The following HIP1 variants were observed in gnomAD, a reference collection of about 807,000 sequenced individuals.
HIP1 encodes the protein huntingtin-interacting protein 1.
HIP1 carries 65 observed loss-of-function variants against 147.6 expected under a neutral mutation model. The observed-to-expected ratio is 0.44, with a 90% CI of 0.36 to 0.54. HIP1 has a LOEUF of 0.54. Ranked by LOEUF, HIP1 falls within the 20% of genes least tolerant of loss-of-function variation. The pLI is 0.00. For synonymous variants in HIP1, 479 were observed against 504.0 expected, an observed-to-expected ratio of 0.95 and a Z score of 0.67; for missense variants, 1,061 against 1,299.6, an observed-to-expected ratio of 0.82 and a Z score of 2.82.
chr7:75,589,150 TA>T (rs112794656), intron 4 of HIP1, among the ~76,000 whole-genome samples: 2,588 of 129,558 alleles, frequency 0.02, 56 homozygotes, highest in African/African-American at 0.057. Context: ...AACTCTGTCT[TA>T]AAAAAAAAAA....
chr7:75,616,498 C>T (rs1554506050), intron 1 of HIP1, among the ~76,000 whole-genome samples: 1 of 151,996 alleles, frequency 6.6e-6, no homozygotes, highest in African/African-American at 2.4e-5. Context: ...GTCTTGAGCT[C>T]CTGGCTTCTA....
At chr7:75,639,237 G>GA in intron 1 of HIP1, 1 of 962,822 alleles carries the variant, frequency 1.0e-6, no homozygotes, top group Non-Finnish European at 1.2e-6. Context: ...CTGGACCGGA[G>GA]AAAGGAAGGG....
intron 4 of HIP1, among the ~76,000 whole-genome samples, chr7:75,591,223 G>A (rs1249315438): frequency 3.9e-5 from 6 of 152,114 alleles, no homozygotes; most frequent in African/African-American, 9.6e-5. Flanking sequence ...AATAGAGCCC[G>A]GGTTTCACCA....
chr7:75,681,864 G>A (rs950655698), intron 1 of HIP1, among the ~76,000 whole-genome samples: 7 of 151,654 alleles, frequency 4.6e-5, no homozygotes, highest in Non-Finnish European at 1.0e-4. Flanking sequence ...CTGTTCACCC[G>A]CCAGACACAT....
chr7:75,652,689 A>G (rs1319333749), intron 1 of HIP1, among the ~76,000 whole-genome samples: 1 of 148,318 alleles, frequency 6.7e-6, no homozygotes, highest in Non-Finnish European at 1.5e-5. Flanking sequence ...ACTGTTAGTG[A>G]AAAAAAAAAA....
At chr7:75,700,709 C>CT (rs879958028) in intron 1 of HIP1, among the ~76,000 whole-genome samples, 189 of 144,610 alleles carry the variant, frequency 1.3e-3, no homozygotes, top group East Asian at 2.6e-3. Flanking sequence ...CAGGTGAACA[C>CT]TTTTTTTTTT....
chr7:75,566,731 C>CA (rs1488291441), intron 9 of HIP1, among the ~76,000 whole-genome samples: 1 of 151,356 alleles, frequency 6.6e-6, no homozygotes, highest in Non-Finnish European at 1.5e-5. Flanking sequence ...GGGTATCAAC[C>CA]AAACCTGCTA....
chr7:75,555,418 G>A lies in HIP1; in HGVS notation c.1961C>T (p.Ala654Val). Residue 654 changes from alanine (A) to valine (V), a missense_variant and splice_region_variant, in exon 19 of 31, where the codon GCA (alanine) becomes GTA (valine). Physicochemically the swap from Ala to Val is moderately conservative, Grantham distance 64 (BLOSUM62 0). Coordinates refer to ENST00000336926, the MANE Select transcript of HIP1 (RefSeq NM_005338.7). Reference sequence around the variant, plus strand: ...CAGCTGGGCAATTGCAAGTGTACCTGCAGACCCAGCGCAGCTGATGAGAGG... The same window carrying A: ...CAGCTGGGCAATTGCAAGTGTACCTACAGACCCAGCGCAGCTGATGAGAGG... ...EPPLISCAGSADHLLSTVTSI... is the reference protein window; with the variant it reads ...EPPLISCAGSVDHLLSTVTSI... 1 of 1,613,494 alleles carries A rather than the reference G, an allele frequency of 6.2e-7. No individual in the cohort carries two copies. The highest frequency in any genetic ancestry group is 8.5e-7 in the Non-Finnish European group (1 of 1,180,024).
chr7:75,591,470 T>C (rs587648733), intron 4 of HIP1, among the ~76,000 whole-genome samples: 2 of 151,998 alleles, frequency 1.3e-5, no homozygotes, highest in Non-Finnish European at 2.9e-5. Flanking sequence ...TCCCCCCTCA[T>C]CCTAAAGCAC....
At chr7:75,556,637 G>A (rs1438172569) in intron 17 of HIP1, 73 bp downstream of exon 17, 22 of 957,918 alleles carry the variant, frequency 2.3e-5, no homozygotes, top group African/African-American at 4.8e-5. Flanking sequence ...AGTGAGCTGC[G>A]ATCGCACCAC....
At chr7:75,589,522 T>C (rs1219215124) in intron 4 of HIP1, among the ~76,000 whole-genome samples, 1 of 151,322 alleles carries the variant, frequency 6.6e-6, no homozygotes, top group Non-Finnish European at 1.5e-5. Context: ...GTGTCTCCAC[T>C]AAAATATAAA....
intron 4 of HIP1, 42 bp from the exon 5 acceptor site, chr7:75,586,875 A>T (rs1315025606): frequency 1.7e-6 from 2 of 1,209,424 alleles, no homozygotes; most frequent in African/African-American, 3.0e-5. Context: ...CAACAAGAAC[A>T]TAACAGTCAA....
intron 1 of HIP1, among the ~76,000 whole-genome samples, chr7:75,717,955 G>A (rs1314408141): frequency 6.6e-6 from 1 of 150,952 alleles, no homozygotes; most frequent in East Asian, 1.9e-4. Flanking sequence ...GGGTGACAGA[G>A]CGAAACTCTG....
chr7:75,705,651 G>A (rs1800968759), intron 1 of HIP1, among the ~76,000 whole-genome samples: 1 of 152,018 alleles, frequency 6.6e-6, no homozygotes, highest in South Asian at 2.1e-4. Context: ...CACCACGCCT[G>A]GCCAGATCTC....
At chr7:75,626,403 C>T (rs781829676) in intron 1 of HIP1, 2 of 152,166 alleles carry the variant, frequency 1.3e-5, no homozygotes, top group Non-Finnish European at 2.9e-5. Context: ...GAGGACAGAT[C>T]ACAATGAAAT....
chr7:75,558,344 CTTGTT>C (rs1359083804), intron 14 of HIP1, 89 bp from the exon 15 acceptor site: 23 of 1,013,598 alleles, frequency 2.3e-5, no homozygotes, highest in East Asian at 2.1e-4. Flanking sequence ...GAAGGTCCTC[CTTGTT>C]TTGTTTTGAG....
chr7:75,648,290 C>CGTCGGAGTAGTTGGGGCTG (rs1798868987), intron 1 of HIP1, among the ~76,000 whole-genome samples: 2 of 150,956 alleles, frequency 1.3e-5, no homozygotes, highest in Non-Finnish European at 3.0e-5. Context: ...AGCTGGGGCT[C>CGTCGGAGTAGTTGGGGCTG]GTCGGAGTAG....
chr7:75,557,643 G>A lies in HIP1; in HGVS notation c.1581+11C>T, dbSNP rs190691532. ...CTCCCTCATTTCCCGAGTGCTCCTC[G>A]TCCCACTCACCTTCCGCTGGCCCTG... is the stretch of plus-strand genomic sequence containing the variant. On this transcript the variant is annotated intron_variant, in intron 16 of 30. Transcript: ENST00000336926. 1.8e-5 allele frequency: 28 copies of A among 1,594,444 alleles called. No homozygotes were observed. The highest frequency in any genetic ancestry group is 1.1e-4 in the African/African-American group (8 of 74,472).
At chr7:75,611,506 G>A (rs1282729885) in intron 1 of HIP1, among the ~76,000 whole-genome samples, 1 of 151,418 alleles carries the variant, frequency 6.6e-6, no homozygotes, top group Non-Finnish European at 1.5e-5. Flanking sequence ...CCAGGTATGT[G>A]ATTCACAGTC....
Sources: gnomAD v4.1 joint callset for allele counts (sites outside exome capture counted in the v4.1 genomes callset) on GRCh38, gnomAD v4.1.1 for gene constraint, MANE v1.5 for transcripts, NCBI Gene and HGNC (gene_info 2026-07-23, HGNC 2026-07-21) for gene names.